AP1G1: variants seen among roughly 807,000 people sequenced by gnomAD.
AP1G1 encodes the protein AP-1 complex subunit gamma-1.
AP1G1 carries 7 observed loss-of-function variants against 108.3 expected under a neutral mutation model. The ratio of observed to expected loss-of-function variants is 0.06; its 90% CI spans 0.04 to 0.12. The LOEUF (loss-of-function observed/expected upper bound fraction) is 0.12. Among genes scored for constraint, AP1G1 ranks in the 10% least tolerant of loss-of-function variants. The pLI is 1.00. For missense variants in AP1G1, 756 were observed against 1,010.7 expected, an observed-to-expected ratio of 0.75 and a Z score of 3.42; for synonymous variants, 379 against 353.5, an observed-to-expected ratio of 1.07 and a Z score of -0.81.
At chr16:71,768,192 TAAA>T (rs10610445) in intron 6 of AP1G1, among the ~76,000 whole-genome samples, 16,431 of 99,836 alleles carry the variant, frequency 0.16, 1,362 homozygotes, top group South Asian at 0.42. Flanking sequence ...AATACTAGTT[TAAA>T]AAAAAAAAAA....
intron 22 of AP1G1, 50 bp downstream of exon 22, chr16:71,734,559 A>G (rs760520757): frequency 7.0e-7 from 1 of 1,425,902 alleles, no homozygotes; most frequent in East Asian, 2.3e-5. Context: ...TTATTTCGGG[A>G]AATATGCTTA....
At chr16:71,767,682 T>G (rs547565412) in intron 6 of AP1G1, among the ~76,000 whole-genome samples, 1 of 152,280 alleles carries the variant, frequency 6.6e-6, no homozygotes, top group Non-Finnish European at 1.5e-5. Flanking sequence ...AAGGCTGACT[T>G]TGGAGTCAGG....
At chr16:71,786,747 C>CT (rs2032217843) in intron 2 of AP1G1, among the ~76,000 whole-genome samples, 2 of 152,096 alleles carry the variant, frequency 1.3e-5, no homozygotes, top group African/African-American at 4.8e-5. Flanking sequence ...GCGTGAGCCA[C>CT]CGCACCCAGC....
At chr16:71,796,320 T>C (rs918734128) in intron 1 of AP1G1, among the ~76,000 whole-genome samples, 4 of 152,190 alleles carry the variant, frequency 2.6e-5, no homozygotes, top group African/African-American at 9.6e-5. Context: ...AAGACAAGCA[T>C]AATTCTTTGA....
At chr16:71,758,385 G>C (rs140582999) in intron 11 of AP1G1, 4 of 517,194 alleles carry the variant, frequency 7.7e-6, no homozygotes, top group African/African-American at 7.7e-5. Flanking sequence ...ATCCTGGGGC[G>C]TAAGTACTGT....
intron 19 of AP1G1, among the ~76,000 whole-genome samples, chr16:71,741,717 C>A (rs2045624120): frequency 6.6e-6 from 1 of 152,122 alleles, no homozygotes; most frequent in African/African-American, 2.4e-5. Flanking sequence ...ATGAAGCAGA[C>A]AAAGAAATAT....
At chr16:71,800,800 CA>C (rs930269925) in intron 1 of AP1G1, among the ~76,000 whole-genome samples, 155 of 130,392 alleles carry the variant, frequency 1.2e-3, no homozygotes, top group Admixed American at 1.1e-3. Flanking sequence ...GACTCCGTCT[CA>C]AAAAAAAAAA....
intron 2 of AP1G1, among the ~76,000 whole-genome samples, chr16:71,786,700 C>A (rs1376789143): frequency 6.6e-6 from 1 of 152,068 alleles, no homozygotes; most frequent in Admixed American, 6.6e-5. Flanking sequence ...ACCTCATGAT[C>A]CACCCACCTC....
At chr16:71,780,191 G>A (rs573571913) in intron 2 of AP1G1, among the ~76,000 whole-genome samples, 4 of 151,802 alleles carry the variant, frequency 2.6e-5, no homozygotes, top group Admixed American at 1.3e-4. Context: ...ATGGGGTTCC[G>A]CCATGTTGGC....
intron 1 of AP1G1, chr16:71,808,310 C>G: frequency 1.4e-5 from 11 of 778,226 alleles, no homozygotes; most frequent in Non-Finnish European, 1.7e-5. Flanking sequence ...CAGGGGCAGG[C>G]AGCGATTAAC....
In AP1G1 at chr16:71,808,746, C is replaced by A. The variant is rs1472085892; in HGVS notation, c.-4+17G>T. 4.2e-5 allele frequency: 54 copies of A among 1,288,692 alleles called. No homozygotes were observed. Among genetic ancestry groups the A allele is most frequent in the Non-Finnish European group, 4.3e-5 (42 of 988,114 alleles). 79.8% of individuals were successfully genotyped at this position (1,288,692 alleles called of 1,614,324 possible). On this transcript the variant is annotated intron_variant, in intron 1 of 22. Transcript: ENST00000299980. ...CAAAAGCAGCAATATGCTCTCAGCG[C>A]CGGGAGTGACACTCACCGGCCCGAA...
intron 11 of AP1G1, chr16:71,758,340 G>A (rs2030906643): frequency 4.1e-6 from 2 of 483,068 alleles, no homozygotes; most frequent in Non-Finnish European, 4.2e-6. Flanking sequence ...AGTCATTTCA[G>A]GATACACTGT....
chr16:71,739,839 T>C (rs939668187), intron 19 of AP1G1, among the ~76,000 whole-genome samples: 10 of 151,492 alleles, frequency 6.6e-5, no homozygotes, highest in Non-Finnish European at 1.5e-4. Flanking sequence ...AAACGATAAC[T>C]GTCTTCTATA....
intron 1 of AP1G1, among the ~76,000 whole-genome samples, chr16:71,800,653 T>C (rs968720545): frequency 1.3e-5 from 2 of 151,058 alleles, no homozygotes; most frequent in Non-Finnish European, 2.9e-5. Flanking sequence ...TACAGAACAT[T>C]AGCCAGGCGT....
intron 2 of AP1G1, among the ~76,000 whole-genome samples, chr16:71,784,566 T>C (rs2032134648): frequency 6.6e-6 from 1 of 152,144 alleles, no homozygotes; most frequent in Non-Finnish European, 1.5e-5. Context: ...ATTTTTTTGT[T>C]GTTGTTGTTT....
rs182306780 is a variant in AP1G1 at position 71,744,265 on chromosome 16, T to C, written c.1999+879A>G. Among the ~76,000 whole-genome samples the C allele has an allele frequency of 1.1e-4, 16 of 152,224 alleles. No individual in the cohort carries two copies. In the East Asian group the frequency reaches 2.5e-3, roughly 24 times the overall value. On this transcript the variant is annotated intron_variant, in intron 19 of 22. Transcript: ENST00000299980. ...TCTCAAAATAAAAATAAAAGTTGTA[T>C]TGGACTCGGGTTTATCATATTGCTG...
At chr16:71,747,745 G>A (rs545447373) in intron 16 of AP1G1, among the ~76,000 whole-genome samples, 10 of 152,188 alleles carry the variant, frequency 6.6e-5, no homozygotes, top group Non-Finnish European at 1.2e-4. Context: ...ACTTTGGGAG[G>A]TCAGGGCAGG....
intron 1 of AP1G1, among the ~76,000 whole-genome samples, chr16:71,798,867 G>A (rs918781919): frequency 1.6e-4 from 24 of 151,536 alleles, no homozygotes; most frequent in African/African-American, 5.8e-4. Flanking sequence ...TAGCCTGGGC[G>A]ACAAGGGTGA....
intron 2 of AP1G1, among the ~76,000 whole-genome samples, chr16:71,782,867 A>G (rs1597076608): frequency 6.6e-6 from 1 of 152,252 alleles, no homozygotes; most frequent in Admixed American, 6.5e-5. Context: ...ACCTTCTGAC[A>G]TGATCTTTGC....
Sources: gnomAD v4.1 joint callset for allele counts (sites outside exome capture counted in the v4.1 genomes callset) on GRCh38, gnomAD v4.1.1 for gene constraint, MANE v1.5 for transcripts, NCBI Gene and HGNC (gene_info 2026-07-23, HGNC 2026-07-21) for gene names.